The following TAFA5 variants were observed in gnomAD, a reference collection of about 807,000 sequenced individuals.
TAFA5 encodes the protein chemokine-like protein TAFA-5.
A neutral mutation model predicts 15.3 loss-of-function variants in TAFA5; 6 were observed. The observed-to-expected ratio is 0.39, with a 90% CI of 0.21 to 0.77. The LOEUF is 0.77. Among genes scored for constraint, TAFA5 ranks in the 30% least tolerant of loss-of-function variants. The pLI is 0.41. For missense variants in TAFA5, 161 were observed against 193.1 expected (o/e 0.83, Z 0.98); for synonymous variants, 103 against 80.7 (o/e 1.28, Z -1.48).
At chr22:48,657,853 G>A (rs537852822) in intron 2 of TAFA5, among the ~76,000 whole-genome samples, 11 of 152,242 alleles carry the variant, frequency 7.2e-5, no homozygotes, top group Non-Finnish European at 1.5e-4. Flanking sequence ...TGAGCTGGGA[G>A]CAGAGAGGGA....
intron 2 of TAFA5, among the ~76,000 whole-genome samples, chr22:48,658,694 G>A (rs1002868173): frequency 6.6e-6 from 1 of 152,352 alleles, no homozygotes; most frequent in Admixed American, 6.5e-5. Context: ...GCTGGAGAGT[G>A]GGGGCACTGG....
intron 1 of TAFA5, among the ~76,000 whole-genome samples, chr22:48,491,263 A>G (rs1928144847): frequency 6.6e-6 from 1 of 152,138 alleles, no homozygotes; most frequent in Non-Finnish European, 1.5e-5. Flanking sequence ...GGGATTCCCT[A>G]GAAGATCCCC....
rs151286027 is a variant in TAFA5 at position 48,675,350 on chromosome 22, G to A, written c.262+28604G>A. Among the ~76,000 whole-genome samples the A allele has an allele frequency of 6.4e-3, 978 of 152,354 alleles. 8 individuals are homozygous for A. Among genetic ancestry groups the A allele is most frequent in the African/African-American group, 0.022 (922 of 41,582 alleles). On this transcript the variant is annotated intron_variant, in intron 2 of 3. Transcript: ENST00000402357. Reference sequence around the variant, plus strand: ...TGGCGGGGCCCCCGTCCAAAACTCTGGGCCTCAGAGGTTGCAGCGGGAGAC... The same window carrying A: ...TGGCGGGGCCCCCGTCCAAAACTCTAGGCCTCAGAGGTTGCAGCGGGAGAC...
intron 1 of TAFA5, among the ~76,000 whole-genome samples, chr22:48,637,366 G>A (rs565112151): frequency 6.6e-6 from 1 of 152,264 alleles, no homozygotes; most frequent in Admixed American, 6.5e-5. Flanking sequence ...GGTGTGGCTG[G>A]TCTCCGCCCC....
intron 1 of TAFA5, among the ~76,000 whole-genome samples, chr22:48,563,105 T>C (rs1288498619): frequency 6.6e-6 from 1 of 152,192 alleles, no homozygotes; most frequent in African/African-American, 2.4e-5. Flanking sequence ...TTCTCTGACA[T>C]TTAGCAAACA....
intron 2 of TAFA5, among the ~76,000 whole-genome samples, chr22:48,688,765 C>T (rs1406564831): frequency 3.3e-5 from 5 of 152,088 alleles, no homozygotes; most frequent in African/African-American, 9.7e-5. Flanking sequence ...CCAAGGCTGG[C>T]GGATCACCTG....
chr22:48,541,052 G>C (rs77069692), intron 1 of TAFA5, among the ~76,000 whole-genome samples: 4,934 of 152,192 alleles, frequency 0.032, 286 homozygotes, highest in East Asian at 0.24. Context: ...TCAGGGACAG[G>C]GGGTGGGGGA....
intron 1 of TAFA5, among the ~76,000 whole-genome samples, chr22:48,639,584 G>T (rs983507450): frequency 1.3e-5 from 2 of 152,258 alleles, no homozygotes; most frequent in East Asian, 1.9e-4. Context: ...CCCCTGAGTG[G>T]CTCCCTTTGT....
At chr22:48,745,655 T>G (rs1930308380) in intron 3 of TAFA5, among the ~76,000 whole-genome samples, 1 of 152,274 alleles carries the variant, frequency 6.6e-6, no homozygotes, top group African/African-American at 2.4e-5. Context: ...GTCTTCAGTC[T>G]CAGCTGATGA....
At chr22:48,725,566 AG>A (rs1176079553) in intron 3 of TAFA5, among the ~76,000 whole-genome samples, 5 of 152,206 alleles carry the variant, frequency 3.3e-5, no homozygotes, top group Non-Finnish European at 5.9e-5. Flanking sequence ...CAGACATCCA[AG>A]GGTTTTCTGA....
chr22:48,640,439 C>T (rs1363315953), intron 1 of TAFA5, among the ~76,000 whole-genome samples: 1 of 152,196 alleles, frequency 6.6e-6, no homozygotes, highest in African/African-American at 2.4e-5. Context: ...CCCTTGGCAA[C>T]CAAGGCTGGC....
chr22:48,581,636 C>T (rs148478146), intron 1 of TAFA5, among the ~76,000 whole-genome samples: 4 of 152,180 alleles, frequency 2.6e-5, no homozygotes, highest in African/African-American at 4.8e-5. Flanking sequence ...AGGCCGGGTT[C>T]GGGGGCAACC....
chr22:48,681,212 C>G (rs1569076880), intron 2 of TAFA5, among the ~76,000 whole-genome samples: 1 of 152,152 alleles, frequency 6.6e-6, no homozygotes, highest in African/African-American at 2.4e-5. Flanking sequence ...GCAGCTGTAA[C>G]CAAGGAAAGC....
intron 1 of TAFA5, among the ~76,000 whole-genome samples, chr22:48,526,818 T>A (rs1601848781): frequency 6.6e-6 from 1 of 152,268 alleles, no homozygotes; most frequent in East Asian, 1.9e-4. Context: ...TCAAAATATG[T>A]TGTTCTAAAT....
intron 1 of TAFA5, among the ~76,000 whole-genome samples, chr22:48,556,895 C>T (rs1569024517): frequency 6.6e-6 from 1 of 152,238 alleles, no homozygotes; most frequent in Non-Finnish European, 1.5e-5. Context: ...ACCCTGCCGT[C>T]CACAGTGGTG....
chr22:48,535,781 G>A (rs12484647), intron 1 of TAFA5, among the ~76,000 whole-genome samples: 18,346 of 145,484 alleles, frequency 0.13, 1,368 homozygotes, highest in African/African-American at 0.23. Context: ...GCACTCATGC[G>A]TGTGTGCACA....
At position 48,631,987 on chromosome 22, in the gene TAFA5, G is replaced by A. The variant is rs76268056; in HGVS notation, c.113-14610G>A. Among the ~76,000 whole-genome samples the A allele has an allele frequency of 6.2e-3, 945 of 152,310 alleles. 15 individuals carry two copies. Among genetic ancestry groups the A allele is most frequent in the African/African-American group, 0.022 (912 of 41,572 alleles). On this transcript the variant is annotated intron_variant, in intron 1 of 3. Transcript: ENST00000402357. ...GTGGCAGGGGTCCAGCCAGACACAC[G>A]GCTCGGTACAGGGCCTGCAATCCTG...
At chr22:48,511,372 C>T (rs2147101560) in intron 1 of TAFA5, among the ~76,000 whole-genome samples, 1 of 152,324 alleles carries the variant, frequency 6.6e-6, no homozygotes, top group South Asian at 2.1e-4. Flanking sequence ...TCCTCCTCCT[C>T]CTCCTCCTCC....
intron 1 of TAFA5, among the ~76,000 whole-genome samples, chr22:48,591,615 C>T (rs1924570481): frequency 6.6e-6 from 1 of 152,214 alleles, no homozygotes; most frequent in South Asian, 2.1e-4. Context: ...AGGAGAGAGC[C>T]TGCTCCAGGG....
Sources: allele counts gnomAD v4.1 joint callset (sites outside exome capture counted in the v4.1 genomes callset), GRCh38; gene constraint gnomAD v4.1.1; transcripts MANE v1.5; gene names NCBI Gene and HGNC (gene_info 2026-07-23, HGNC 2026-07-21).